Variants in ESR1 observed in about 807,000 individuals in gnomAD.
ESR1 encodes estrogen receptor.
ESR1 carries 12 observed loss-of-function variants against 52.7 expected under a neutral mutation model. The ratio of observed to expected loss-of-function variants is 0.23; its 90% CI spans 0.15 to 0.37. The LOEUF (loss-of-function observed/expected upper bound fraction) is 0.37, where lower values mean the gene tolerates loss of function less well. Ranked by LOEUF, ESR1 falls within the 10% of genes least tolerant of loss-of-function variation. The probability of loss-of-function intolerance (pLI) is 1.00; values close to 1 mark genes in which losing one functional copy is unlikely to be tolerated. For synonymous variants in ESR1, 305 were observed against 316.8 expected (o/e 0.96, Z 0.39); for missense variants, 584 against 779.7 (o/e 0.75, Z 2.99).
intron 2 of ESR1, among the ~76,000 whole-genome samples, chr6:151,746,701 A>G (rs1292627019): frequency 3.3e-5 from 5 of 152,216 alleles, no homozygotes; most frequent in Non-Finnish European, 7.3e-5. Flanking sequence ...TTAAAGTATT[A>G]TGAGAGAAAA....
chr6:151,790,085 C>T (rs1014558025), intron 2 of ESR1, among the ~76,000 whole-genome samples: 1 of 152,168 alleles, frequency 6.6e-6, no homozygotes, highest in African/African-American at 2.4e-5. Flanking sequence ...ATGCAGGTGG[C>T]ACCACACCCT....
At chr6:151,914,509 G>A (rs900275048) in intron 3 of ESR1, among the ~76,000 whole-genome samples, 2 of 152,212 alleles carry the variant, frequency 1.3e-5, no homozygotes, top group Non-Finnish European at 2.9e-5. Context: ...TAATAAGAAT[G>A]AGAATCTGCG....
intron 3 of ESR1, among the ~76,000 whole-genome samples, chr6:151,891,658 T>TA (rs1436157244): frequency 1.3e-5 from 2 of 152,196 alleles, no homozygotes; most frequent in African/African-American, 2.4e-5. Flanking sequence ...ACCCATGGTT[T>TA]AATGCTCCTT....
chr6:151,684,843 A>G (rs1184169006), intron 1 of ESR1, among the ~76,000 whole-genome samples: 1 of 152,184 alleles, frequency 6.6e-6, no homozygotes, highest in East Asian at 1.9e-4. Context: ...GGTGCCAATC[A>G]AAGGCACCCA....
At chr6:151,793,551 C>A (rs372311918) in intron 2 of ESR1, among the ~76,000 whole-genome samples, 4 of 152,280 alleles carry the variant, frequency 2.6e-5, no homozygotes, top group East Asian at 3.9e-4. Context: ...GACTTTTATA[C>A]AACTGGTGGC....
intron 5 of ESR1, among the ~76,000 whole-genome samples, chr6:152,046,831 A>C (rs567519812): frequency 6.6e-6 from 1 of 152,290 alleles, no homozygotes; most frequent in Admixed American, 6.5e-5. Flanking sequence ...CAGCATGAAA[A>C]GGCTGGCAAT....
intron 6 of ESR1, among the ~76,000 whole-genome samples, chr6:152,065,061 G>C (rs1298893322): frequency 6.6e-6 from 1 of 152,248 alleles, no homozygotes; most frequent in African/African-American, 2.4e-5. Flanking sequence ...TGGCTTAAAC[G>C]GAGTAGGTTC....
intron 2 of ESR1, among the ~76,000 whole-genome samples, chr6:151,788,495 ATGT>A (rs1322936864): frequency 6.6e-6 from 1 of 152,140 alleles, no homozygotes; most frequent in South Asian, 2.1e-4. Flanking sequence ...CACTTATATA[ATGT>A]TGGTGGGAGT....
chr6:151,803,128 G>A (rs888660573), upstream of ESR1, among the ~76,000 whole-genome samples: 2 of 152,080 alleles, frequency 1.3e-5, no homozygotes, highest in African/African-American at 4.8e-5. Context: ...ACTTAACATG[G>A]CCAGGGACAG....
At chr6:151,998,720 CAT>C (rs1443742309) in intron 4 of ESR1, among the ~76,000 whole-genome samples, 2 of 152,126 alleles carry the variant, frequency 1.3e-5, no homozygotes, top group African/African-American at 2.4e-5. Context: ...AGTTAATTCT[CAT>C]ATGTTTGGTT....
intron 2 of ESR1, among the ~76,000 whole-genome samples, chr6:151,750,814 A>G (rs964077663): frequency 5.9e-5 from 9 of 152,216 alleles, no homozygotes; most frequent in Admixed American, 2.6e-4. Context: ...TGAAAAAAAA[A>G]TCACGTTCTC....
rs1408548260 is a variant in ESR1, at chr6:152,098,111, C to T, written c.1554-621C>T. Among the ~76,000 whole-genome samples the T allele has an allele frequency of 1.3e-5, 2 of 151,996 alleles. No individual in the cohort carries two copies. Among genetic ancestry groups the T allele is most frequent in the Non-Finnish European group, 2.9e-5 (2 of 67,988 alleles). ...CCTAAGTCTTGGGGGAGCTTAGTTC[C>T]TTTAAGGGCAGCACAAAAATCAGTG... On this transcript the variant is annotated intron_variant, in intron 7 of 7. Coordinates refer to ENST00000206249, the MANE Select transcript of ESR1 (RefSeq NM_000125.4). This position sits in a 1 kb window ranked among gnomAD's most constrained non-coding sequence, Gnocchi z 5.1.
At chr6:151,937,057 T>C (rs1385562329) in intron 3 of ESR1, among the ~76,000 whole-genome samples, 2 of 152,140 alleles carry the variant, frequency 1.3e-5, no homozygotes, top group African/African-American at 4.8e-5. Context: ...ATCCTTGTTT[T>C]ATAAAAAACA....
At chr6:152,121,594 G>A (rs2813557) in intron 6 of ESR1, 35,288 of 152,110 alleles carry the variant, frequency 0.23, 4,252 homozygotes, top group African/African-American at 0.3. Flanking sequence ...TCATTGCACA[G>A]AAAAATGATC....
chr6:152,086,235 C>T (rs898142127), intron 6 of ESR1, among the ~76,000 whole-genome samples: 1 of 152,038 alleles, frequency 6.6e-6, no homozygotes, highest in African/African-American at 2.4e-5. Context: ...ATCCAGAACC[C>T]TGATTGTTTT....
At chr6:151,791,137 T>C (rs1233214394) in intron 2 of ESR1, among the ~76,000 whole-genome samples, 1 of 152,318 alleles carries the variant, frequency 6.6e-6, no homozygotes, top group East Asian at 1.9e-4. Context: ...TATTCACATC[T>C]TTTGACTTTA....
At chr6:151,862,282 T>C (rs1040602488) in intron 2 of ESR1, among the ~76,000 whole-genome samples, 2 of 152,208 alleles carry the variant, frequency 1.3e-5, no homozygotes, top group Non-Finnish European at 2.9e-5. Flanking sequence ...TTCTGTTGCC[T>C]TCTCCAAGGG....
intron 1 of ESR1, among the ~76,000 whole-genome samples, chr6:151,833,516 G>T (rs1782786837): frequency 6.6e-5 from 10 of 152,168 alleles, no homozygotes; most frequent in Admixed American, 6.5e-4. Context: ...GGTTTGCAAT[G>T]TGGAGGTGTG....
intron 2 of ESR1, among the ~76,000 whole-genome samples, chr6:151,873,390 T>C (rs982770967): frequency 3.3e-5 from 5 of 152,198 alleles, no homozygotes; most frequent in African/African-American, 9.7e-5. Flanking sequence ...TGGCATGTGA[T>C]GTTCAGTACC....
Sources: gnomAD v4.1 joint callset for allele counts (sites outside exome capture counted in the v4.1 genomes callset) on GRCh38, gnomAD v4.1.1 for gene constraint, Gnocchi (gnomAD v3.1) non-coding constraint, MANE v1.5 for transcripts, NCBI Gene and HGNC (gene_info 2026-07-23, HGNC 2026-07-21) for gene names.